Variants in ELMO1 observed in about 807,000 individuals in gnomAD.
The protein encoded by ELMO1 is engulfment and cell motility 1.
Under a neutral mutation model 98.9 loss-of-function variants are expected in ELMO1, and 26 were observed. That is an observed-to-expected ratio of 0.26 (90% confidence interval 0.19 to 0.36). The LOEUF is 0.36. ELMO1 is among the 10% of genes least tolerant of loss of function. The pLI is 1.00. For synonymous variants in ELMO1, 346 were observed against 346.0 expected, an observed-to-expected ratio of 1.00 and a Z score of 0.00; for missense variants, 627 against 935.2, an observed-to-expected ratio of 0.67 and a Z score of 4.30.
At chr7:36,881,865 GA>G (rs1301177626) in intron 18 of ELMO1, among the ~76,000 whole-genome samples, 1 of 152,150 alleles carries the variant, frequency 6.6e-6, no homozygotes, top group Non-Finnish European at 1.5e-5. Flanking sequence ...CCAATACTAA[GA>G]AAACAAATTA....
chr7:37,264,978 C>T (rs1420081905), intron 5 of ELMO1, among the ~76,000 whole-genome samples: 1 of 152,146 alleles, frequency 6.6e-6, no homozygotes, highest in East Asian at 1.9e-4. Flanking sequence ...CAATGTTGCC[C>T]AGCAATCCAA....
chr7:36,930,728 C>T (rs1785969146), intron 16 of ELMO1, among the ~76,000 whole-genome samples: 1 of 152,216 alleles, frequency 6.6e-6, no homozygotes. Context: ...CTGCTTTCCT[C>T]CCTTAGTGAG....
At chr7:37,112,953 G>A in intron 14 of ELMO1, among the ~76,000 whole-genome samples, 1 of 152,132 alleles carries the variant, frequency 6.6e-6, no homozygotes, top group East Asian at 1.9e-4. Context: ...GCTAATACTG[G>A]CTGGGCTCTG....
At chr7:37,442,379 CA>C (rs1238130936) in intron 1 of ELMO1, among the ~76,000 whole-genome samples, 1 of 152,134 alleles carries the variant, frequency 6.6e-6, no homozygotes, top group Non-Finnish European at 1.5e-5. Flanking sequence ...AATCTATCAA[CA>C]AGAGAATTAG....
intron 16 of ELMO1, among the ~76,000 whole-genome samples, chr7:36,972,453 AATTC>A (rs1790052247): frequency 1.3e-5 from 2 of 152,314 alleles, no homozygotes; most frequent in Admixed American, 1.3e-4. Flanking sequence ...AAACAACAGA[AATTC>A]ATTGTCTCAC....
In ELMO1 at chr7:37,166,959, A is replaced by T. The variant is rs573168782; in HGVS notation, c.1087-33725T>A. 5.2e-3 allele frequency among the ~76,000 whole-genome samples: 784 copies of T among 151,900 alleles called. 6 individuals carry two copies. The highest frequency in any genetic ancestry group is 0.018 in the African/African-American group (738 of 41,368). ...GGGGTGTTAAAGTCTCCCATTATTA[A>T]TGTGTGGGAGTCTAAGTCTCTTTGT... On this transcript the variant is annotated intron_variant, in intron 13 of 21. Transcript: ENST00000310758.
intron 4 of ELMO1, among the ~76,000 whole-genome samples, chr7:37,302,871 G>C (rs866837394): frequency 2.0e-5 from 3 of 152,138 alleles, no homozygotes; most frequent in Non-Finnish European, 4.4e-5. Flanking sequence ...ACTTGATTCT[G>C]ATCACAGTGG....
intron 14 of ELMO1, among the ~76,000 whole-genome samples, chr7:37,101,201 G>A (rs567432969): frequency 2.0e-5 from 3 of 152,180 alleles, no homozygotes; most frequent in East Asian, 1.9e-4. Context: ...CAGGCAGAGA[G>A]AGAGATAAAA....
At chr7:37,427,186 C>T (rs1259814339) in intron 1 of ELMO1, among the ~76,000 whole-genome samples, 17 of 152,182 alleles carry the variant, frequency 1.1e-4, no homozygotes, top group South Asian at 2.1e-4. Flanking sequence ...GCGGAGATGA[C>T]TCTATGGCTT....
intron 13 of ELMO1, among the ~76,000 whole-genome samples, chr7:37,188,805 T>C (rs1165911906): frequency 1.3e-5 from 2 of 152,164 alleles, no homozygotes; most frequent in Non-Finnish European, 2.9e-5. Flanking sequence ...GTTTAGGGTA[T>C]GAAATGCCTG....
chr7:36,952,987 T>G (rs1343531333), intron 16 of ELMO1, among the ~76,000 whole-genome samples: 1 of 148,406 alleles, frequency 6.7e-6, no homozygotes, highest in African/African-American at 2.5e-5. Context: ...TTTTTTTTTT[T>G]TTGAGATGGA....
chr7:37,213,652 G>T (rs937042594), intron 11 of ELMO1, among the ~76,000 whole-genome samples, 195 bp from the exon 12 acceptor site: 3 of 152,114 alleles, frequency 2.0e-5, no homozygotes, highest in Non-Finnish European at 4.4e-5. Context: ...TCAGGTCACA[G>T]GCCATGAAAA....
rs372622261 is a variant in ELMO1, at chr7:37,172,129, T to G, written c.1087-38895A>C. Among the ~76,000 whole-genome samples, 104 of 152,288 alleles carry G rather than the reference T, an allele frequency of 6.8e-4. 1 individual carries two copies. The South Asian group carries it at 0.021, about 31-fold the overall frequency. On this transcript the variant is annotated intron_variant, in intron 13 of 21. Transcript: ENST00000310758. ...GTAAGAAAATGTTCAAAGACAGAGC[T>G]GACTTAGAGTGAGTACACTCTCTGG... is the stretch of plus-strand genomic sequence containing the variant.
intron 1 of ELMO1, chr7:37,419,634 C>T (rs1219614885): frequency 6.5e-6 from 1 of 153,350 alleles, no homozygotes; most frequent in Non-Finnish European, 1.5e-5. Context: ...GAGAGGCCTC[C>T]TGGTGCTTAC....
At chr7:36,987,817 G>A (rs1047057657) in intron 16 of ELMO1, among the ~76,000 whole-genome samples, 12 of 152,164 alleles carry the variant, frequency 7.9e-5, no homozygotes, top group African/African-American at 2.4e-4. Context: ...GAGTGCAATG[G>A]TGTGATCTCG....
intron 13 of ELMO1, among the ~76,000 whole-genome samples, chr7:37,186,627 C>T (rs1468591878): frequency 6.6e-6 from 1 of 151,984 alleles, no homozygotes; most frequent in East Asian, 1.9e-4. Flanking sequence ...GATGAACAGC[C>T]CAATTAACAA....
chr7:37,247,480 C>A lies in ELMO1; in HGVS notation c.414-3089G>T, dbSNP rs143712413. Among the ~76,000 whole-genome samples the A allele has an allele frequency of 2.6e-5, 4 of 152,254 alleles. No individual in the cohort carries two copies. In the East Asian group the frequency reaches 7.7e-4, roughly 29 times the overall value. ...GTGCCATGTGCCCATGTGCTTTCTG[C>A]CTCAGCTCCTCAACTGTGACTTAGT... On this transcript the variant is annotated intron_variant, in intron 6 of 21. Coordinates refer to ENST00000310758, the MANE Select transcript of ELMO1 (RefSeq NM_014800.11).
At chr7:36,963,457 T>TTTC (rs1026008935) in intron 16 of ELMO1, among the ~76,000 whole-genome samples, 1 of 151,674 alleles carries the variant, frequency 6.6e-6, no homozygotes, top group African/African-American at 2.4e-5. Context: ...TGAAAAGAAG[T>TTTC]GAGGAAAAGG....
chr7:37,439,980 G>GGTGTGT (rs3054254), intron 1 of ELMO1, among the ~76,000 whole-genome samples: 2 of 150,324 alleles, frequency 1.3e-5, no homozygotes, highest in African/African-American at 4.9e-5. Flanking sequence ...GAGCTGCATG[G>GGTGTGT]GTGTGTGTGT....
Sources: gnomAD v4.1 joint callset for allele counts (sites outside exome capture counted in the v4.1 genomes callset) on GRCh38, gnomAD v4.1.1 for gene constraint, MANE v1.5 for transcripts, NCBI Gene and HGNC (gene_info 2026-07-23, HGNC 2026-07-21) for gene names.